PDE8A: variants seen among roughly 807,000 people sequenced by gnomAD.
PDE8A encodes phosphodiesterase 8A.
Under a neutral mutation model 105.0 loss-of-function variants are expected in PDE8A, and 59 were observed. The ratio of observed to expected loss-of-function variants is 0.56; its 90% CI spans 0.46 to 0.70. The LOEUF is 0.70. Ranked by LOEUF, PDE8A falls within the 30% of genes least tolerant of loss-of-function variation. PDE8A has a pLI of 0.00. For synonymous variants in PDE8A, 355 were observed against 371.9 expected (o/e 0.95, Z 0.52); for missense variants, 1,014 against 1,045.9 (o/e 0.97, Z 0.42).
intron 20 of PDE8A, among the ~76,000 whole-genome samples, chr15:85,132,857 TGTG>T (rs879369792): frequency 7.9e-5 from 12 of 151,966 alleles, no homozygotes; most frequent in Non-Finnish European, 1.0e-4. Context: ...TGTGTGTGTG[TGTG>T]TTTTTAGGTC....
rs138844416 is a variant in PDE8A, at chr15:85,081,769, GA to G, written c.547-1786del. 4.7e-3 allele frequency among the ~76,000 whole-genome samples: 722 copies of G among 152,294 alleles called. 5 individuals are homozygous for G. The highest frequency in any genetic ancestry group is 0.017 in the African/African-American group (687 of 41,566). The stretch of plus-strand genomic sequence containing the variant: ...GCATAGCAAAACAAAAGTTTTGAGG[GA>G]GGGGGCAAACAGGAGCAAGATGCTG... On this transcript the variant is annotated intron_variant, in intron 5 of 21. Coordinates refer to ENST00000394553, the MANE Select transcript of PDE8A (RefSeq NM_002605.3).
intron 1 of PDE8A, among the ~76,000 whole-genome samples, chr15:85,048,880 C>A (rs1027515635): frequency 6.6e-6 from 1 of 152,172 alleles, no homozygotes; most frequent in Non-Finnish European, 1.5e-5. Context: ...GCAGACAGAT[C>A]ACTTGAGGTC....
intron 6 of PDE8A, 27 bp downstream of exon 6, chr15:85,083,671 T>A: frequency 6.9e-7 from 1 of 1,450,626 alleles, no homozygotes; most frequent in Non-Finnish European, 9.7e-7. Flanking sequence ...TGGAAAGCCC[T>A]CCAGGCCATA....
At chr15:85,108,916 A>G in intron 11 of PDE8A, 137 bp from the exon 12 acceptor site, 1 of 558,566 alleles carries the variant, frequency 1.8e-6, no homozygotes, top group East Asian at 2.9e-5. Flanking sequence ...CATAGTCTTC[A>G]TCTCTGTACT....
chr15:85,061,890 T>C (rs1160960128), intron 1 of PDE8A, among the ~76,000 whole-genome samples: 2 of 152,340 alleles, frequency 1.3e-5, no homozygotes, highest in East Asian at 1.9e-4. Flanking sequence ...TGAATCTCTT[T>C]AGTGAATTTT....
chr15:85,054,076 CAT>C (rs1454448770), intron 1 of PDE8A, among the ~76,000 whole-genome samples: 5 of 152,282 alleles, frequency 3.3e-5, no homozygotes, highest in Admixed American at 6.5e-5. Context: ...TTGAGATAAT[CAT>C]GTGGTTTTTG....
intron 1 of PDE8A, among the ~76,000 whole-genome samples, chr15:85,055,483 T>C (rs998177383): frequency 6.6e-6 from 1 of 152,230 alleles, no homozygotes; most frequent in Non-Finnish European, 1.5e-5. Flanking sequence ...GCCTTATGAA[T>C]CTGGGTGCTC....
intron 11 of PDE8A, among the ~76,000 whole-genome samples, chr15:85,100,988 A>G (rs1166211393): frequency 6.6e-6 from 1 of 152,238 alleles, no homozygotes; most frequent in Admixed American, 6.5e-5. Flanking sequence ...AACACTTACT[A>G]CATATTTTTG....
At chr15:85,105,327 G>A (rs2081931821) in intron 11 of PDE8A, among the ~76,000 whole-genome samples, 1 of 152,118 alleles carries the variant, frequency 6.6e-6, no homozygotes, top group African/African-American at 2.4e-5. Flanking sequence ...CAGTTTGGAG[G>A]TGGCCCTGTT....
At chr15:85,053,612 GCTGT>G (rs1178970464) in intron 1 of PDE8A, among the ~76,000 whole-genome samples, 6 of 144,756 alleles carry the variant, frequency 4.1e-5, no homozygotes, top group Middle Eastern at 3.7e-3. Context: ...TCATGATTTG[GCTGT>G]CTGTCTGTTA....
intron 1 of PDE8A, among the ~76,000 whole-genome samples, chr15:84,982,845 G>C (rs1234140296): frequency 1.3e-5 from 2 of 152,122 alleles, no homozygotes; most frequent in Admixed American, 6.5e-5. Context: ...CATTTTCTTC[G>C]GGACTGCTAG....
intron 3 of PDE8A, among the ~76,000 whole-genome samples, chr15:85,069,592 G>A (rs2141466085): frequency 6.6e-6 from 1 of 152,254 alleles, no homozygotes; most frequent in South Asian, 2.1e-4. Context: ...CATCAAGGGT[G>A]CTTCCCCTGA....
At chr15:84,994,458 G>A (rs1484143339) in intron 1 of PDE8A, among the ~76,000 whole-genome samples, 1 of 152,172 alleles carries the variant, frequency 6.6e-6, no homozygotes, top group East Asian at 1.9e-4. Flanking sequence ...CATTCCAGAA[G>A]GCTGCCTTGT....
At chr15:84,988,247 T>C (rs1321076585) in intron 1 of PDE8A, among the ~76,000 whole-genome samples, 2 of 152,224 alleles carry the variant, frequency 1.3e-5, no homozygotes, top group Non-Finnish European at 2.9e-5. Context: ...GTTGTTGCTC[T>C]CTGTTAACTA....
In PDE8A at chr15:84,982,360, C is replaced by G. The variant is rs2079728582; in HGVS notation, c.186+12C>G. On this transcript the variant is annotated intron_variant, in intron 1 of 21. Transcript: ENST00000394553. ...GCAGCGGCAAGAAGGTAAGGGGCGC[C>G]GGGCACTCTGGGGCCGCCGCGAAAC... The G allele has an allele frequency of 3.0e-6, 4 of 1,311,828 alleles. No individual in the cohort carries two copies. The highest frequency in any genetic ancestry group is 1.5e-5 in the African/African-American group (1 of 64,998). The allele number at this position is 1,311,828 out of a possible 1,614,324, so 81.3% of individuals were successfully genotyped here. A position where few individuals can be genotyped will look rare whatever the true frequency, so the allele number is the denominator to read the frequency against.
Position 85,038,060 on chromosome 15 carries a change from G to C in PDE8A, c.187-26310G>C, listed in dbSNP as rs375256265. Among the ~76,000 whole-genome samples the C allele has an allele frequency of 1.7e-4, 26 of 152,238 alleles. No individual in the cohort carries two copies. The East Asian group carries it at 2.1e-3, about 12-fold the overall frequency. ...TTTAAAATATCTGTTCAAATTTCCT[G>C]CTGACATACATTTTAATAAAATTGT... On this transcript the variant is annotated intron_variant, in intron 1 of 21. Coordinates refer to ENST00000394553, the MANE Select transcript of PDE8A (RefSeq NM_002605.3).
chr15:85,079,980 G>T (rs971303826), intron 5 of PDE8A, among the ~76,000 whole-genome samples: 1 of 152,034 alleles, frequency 6.6e-6, no homozygotes, highest in Non-Finnish European at 1.5e-5. Flanking sequence ...TAAAAGATAG[G>T]CTGTTAGATT....
chr15:85,061,267 T>A (rs1254069432), intron 1 of PDE8A, among the ~76,000 whole-genome samples: 1 of 152,154 alleles, frequency 6.6e-6, no homozygotes, highest in Non-Finnish European at 1.5e-5. Flanking sequence ...GGCATCTTGC[T>A]CTGTTGTCCA....
intron 1 of PDE8A, among the ~76,000 whole-genome samples, chr15:85,007,789 AATT>A (rs1229957468): frequency 1.2e-4 from 18 of 152,272 alleles, no homozygotes; most frequent in African/African-American, 4.3e-4. Context: ...TTTTTTAAAT[AATT>A]ATTATAAATG....
Sources: gnomAD v4.1 joint callset for allele counts (sites outside exome capture counted in the v4.1 genomes callset) on GRCh38, gnomAD v4.1.1 for gene constraint, MANE v1.5 for transcripts, NCBI Gene and HGNC (gene_info 2026-07-23, HGNC 2026-07-21) for gene names.